The following SLC35F4 variants were observed in gnomAD, a reference collection of about 807,000 sequenced individuals.
SLC35F4 encodes the protein chromosome 14 open reading frame 36.
Under a neutral mutation model 44.2 loss-of-function variants are expected in SLC35F4, and 24 were observed. The observed-to-expected ratio is 0.54, with a 90% CI of 0.39 to 0.76. The LOEUF is 0.76. Among genes scored for constraint, SLC35F4 ranks in the 30% least tolerant of loss-of-function variants. The probability of loss-of-function intolerance (pLI) is 0.00; values close to 1 mark genes in which losing one functional copy is unlikely to be tolerated. For missense variants in SLC35F4, 562 were observed against 586.1 expected, an observed-to-expected ratio of 0.96 and a Z score of 0.42; for synonymous variants, 238 against 223.6, an observed-to-expected ratio of 1.06 and a Z score of -0.57.
At chr14:57,859,198 ACAAC>A (rs1887457056) in intron 1 of SLC35F4, among the ~76,000 whole-genome samples, 1 of 152,172 alleles carries the variant, frequency 6.6e-6, no homozygotes, top group Non-Finnish European at 1.5e-5. Flanking sequence ...TAAAAATTCA[ACAAC>A]TAGTGATTGG....
At chr14:57,716,643 A>G (rs2075952686) in intron 1 of SLC35F4, among the ~76,000 whole-genome samples, 1 of 152,238 alleles carries the variant, frequency 6.6e-6, no homozygotes. Context: ...TATGGAGTAC[A>G]GTGTGATATT....
chr14:57,596,716 G>A, intron 1 of SLC35F4: 1 of 1,191,476 alleles, frequency 8.4e-7, no homozygotes, highest in Admixed American at 1.9e-5. Flanking sequence ...TGTGTAGCGA[G>A]CAAGTGTTGA....
chr14:57,640,025 T>C (rs1191908383), intron 1 of SLC35F4, among the ~76,000 whole-genome samples: 1 of 151,980 alleles, frequency 6.6e-6, no homozygotes, highest in East Asian at 1.9e-4. Context: ...AAATTTCTCC[T>C]CTCCTCTCAA....
At chr14:57,820,486 G>T (rs1423290928) in intron 1 of SLC35F4, among the ~76,000 whole-genome samples, 1 of 152,158 alleles carries the variant, frequency 6.6e-6, no homozygotes, top group Non-Finnish European at 1.5e-5. Context: ...GCCAATGCAA[G>T]ACACATTTCT....
chr14:57,717,222 A>G (rs1411613450), intron 1 of SLC35F4, among the ~76,000 whole-genome samples: 2 of 152,166 alleles, frequency 1.3e-5, no homozygotes, highest in Non-Finnish European at 2.9e-5. Flanking sequence ...ACTCAGTAGT[A>G]TTTGTCATAT....
At chr14:57,580,749 C>T (rs2069187740) in intron 4 of SLC35F4, among the ~76,000 whole-genome samples, 1 of 151,930 alleles carries the variant, frequency 6.6e-6, no homozygotes, top group Non-Finnish European at 1.5e-5. Flanking sequence ...GTGCCATTAC[C>T]AGTGACTTTA....
At chr14:57,614,489 T>C (rs2071691656) in intron 1 of SLC35F4, among the ~76,000 whole-genome samples, 1 of 152,202 alleles carries the variant, frequency 6.6e-6, no homozygotes, top group Admixed American at 6.5e-5. Flanking sequence ...AGCTGATACA[T>C]GGTGAGGTTT....
intron 1 of SLC35F4, among the ~76,000 whole-genome samples, chr14:57,739,698 G>T (rs1334402918): frequency 6.6e-6 from 1 of 152,124 alleles, no homozygotes. Context: ...TCCAGGCCTG[G>T]GCTTGAAACC....
intron 1 of SLC35F4, among the ~76,000 whole-genome samples, chr14:57,701,422 A>G (rs73288248): frequency 0.028 from 4,326 of 152,292 alleles, 197 homozygotes; most frequent in African/African-American, 0.097. Context: ...ACAATGATAA[A>G]AAGTATAGTT....
chr14:57,714,443 T>A (rs1204940109), intron 1 of SLC35F4, among the ~76,000 whole-genome samples: 1 of 152,218 alleles, frequency 6.6e-6, no homozygotes, highest in Non-Finnish European at 1.5e-5. Flanking sequence ...GTGAATCCAA[T>A]TCCTTTACAG....
chr14:57,870,802 A>G (rs778285231), upstream of SLC35F4, among the ~76,000 whole-genome samples: 5 of 151,940 alleles, frequency 3.3e-5, no homozygotes, highest in Non-Finnish European at 5.9e-5. Context: ...CTCCATTCAC[A>G]CTCTTGGAGC....
chr14:57,925,491 A>G (rs988198838), intron 1 of SLC35F4, among the ~76,000 whole-genome samples: 1 of 82,406 alleles, frequency 1.2e-5, no homozygotes, highest in Non-Finnish European at 2.4e-5. Flanking sequence ...GGAAGGAAGG[A>G]AGGAAGGGAG....
intron 1 of SLC35F4, among the ~76,000 whole-genome samples, chr14:57,834,911 C>A (rs1299475229): frequency 6.6e-6 from 1 of 152,192 alleles, no homozygotes; most frequent in Non-Finnish European, 1.5e-5. Context: ...TGCCTGTAAT[C>A]TCAGCTACTC....
At position 57,630,183 on chromosome 14, in the gene SLC35F4, C is replaced by T. The variant is rs1454702770; in HGVS notation, c.104-36059G>A. 5.3e-6 allele frequency: 3 copies of T among 562,058 alleles called. No homozygotes were observed. The East Asian group carries it at 1.4e-4, about 26-fold the overall frequency. The allele number at this position is 562,058 out of a possible 1,614,324, so 34.8% of individuals were successfully genotyped here. ...CTAGGGGGATCAGAAGACACTAAAT[C>T]AGATGAAAGCCAAGGAAGGGAAGAA... On this transcript the variant is annotated intron_variant, in intron 1 of 7. Coordinates refer to ENST00000556826, the MANE Select transcript of SLC35F4 (RefSeq NM_001306087.2).
chr14:57,886,769 T>C (rs1417535969), intron 1 of SLC35F4, among the ~76,000 whole-genome samples: 1 of 148,692 alleles, frequency 6.7e-6, no homozygotes, highest in Admixed American at 6.7e-5. Context: ...AAAAAAAAAA[T>C]GGGTCAATGA....
intron 1 of SLC35F4, among the ~76,000 whole-genome samples, chr14:57,785,780 C>T (rs910980004): frequency 3.9e-5 from 6 of 152,140 alleles, no homozygotes; most frequent in African/African-American, 1.4e-4. Flanking sequence ...TTTCTGGGTC[C>T]CCTGGCAGGC....
chr14:57,759,809 C>T (rs1406700086), intron 1 of SLC35F4, among the ~76,000 whole-genome samples: 1 of 150,212 alleles, frequency 6.7e-6, no homozygotes, highest in African/African-American at 2.4e-5. Context: ...ATTTCTATAT[C>T]TTCTTTGAAG....
At chr14:57,726,558 G>A (rs2076208567) in intron 1 of SLC35F4, among the ~76,000 whole-genome samples, 1 of 152,060 alleles carries the variant, frequency 6.6e-6, no homozygotes, top group African/African-American at 2.4e-5. Flanking sequence ...CAGCATTTAA[G>A]TATTGTTAAC....
intron 1 of SLC35F4, among the ~76,000 whole-genome samples, chr14:57,899,536 C>G (rs1489946115): frequency 6.6e-6 from 1 of 152,200 alleles, no homozygotes; most frequent in Non-Finnish European, 1.5e-5. Flanking sequence ...AAGATATGTA[C>G]AATTCCAAAT....
Sources: allele counts gnomAD v4.1 joint callset (sites outside exome capture counted in the v4.1 genomes callset), GRCh38; gene constraint gnomAD v4.1.1; transcripts MANE v1.5; gene names NCBI Gene and HGNC (gene_info 2026-07-23, HGNC 2026-07-21).